TMC6: variants seen among roughly 807,000 people sequenced by gnomAD.
The protein encoded by TMC6 is transmembrane channel like 6.
In TMC6, 71 loss-of-function variants were observed where a neutral mutation model predicts 95.4. The ratio of observed to expected loss-of-function variants is 0.74; its 90% CI spans 0.61 to 0.91. The LOEUF (loss-of-function observed/expected upper bound fraction) is 0.91. Among genes scored for constraint, TMC6 ranks in the 40% least tolerant of loss-of-function variants. The pLI is 0.00. For synonymous variants in TMC6, 514 were observed against 483.1 expected (o/e 1.06, Z -0.84); for missense variants, 1,074 against 1,079.1 (o/e 1.00, Z 0.07).
chr17:78,126,128 G>T, intron 4 of TMC6, 149 bp downstream of exon 4: 2 of 1,225,254 alleles, frequency 1.6e-6, no homozygotes, highest in Middle Eastern at 5.6e-4. Context: ...CAGCAGATGG[G>T]ATGGGCTAGG....
chr17:78,119,420 A>T (rs1207974034), intron 13 of TMC6, 28 bp from the exon 14 acceptor site: 4 of 1,612,554 alleles, frequency 2.5e-6, no homozygotes, highest in Admixed American at 1.7e-5. Context: ...GGATCGTTAG[A>T]TGGGAAAGCC....
chr17:78,126,321 G>T lies in TMC6; in HGVS notation c.227C>A (p.Thr76Lys). 6.4e-7 allele frequency: 1 copy of T among 1,573,870 alleles called. No individual in the cohort carries two copies. ...GCTGGCCAGGATGCGGAGTGTGGCC[G>T]TGCTCTGGGTGCCCTCGGGCCGCCA... ...TLWRPEGTQS[T>K]ATLRILASMP... The change falls in exon 4 of 20, where the codon ACG becomes AAG. Residue 76 changes from threonine (T) to lysine (K), a missense_variant. Thr to Lys is a moderately conservative substitution (Grantham distance 78). Coordinates refer to ENST00000590602, the MANE Select transcript of TMC6 (RefSeq NM_001127198.5).
Position 78,122,965 on chromosome 17 carries a change from G to A in TMC6, c.1083-216C>T. On this transcript the variant is annotated intron_variant, in intron 9 of 19. Transcript: ENST00000590602. The surrounding 1 kb of genome is among the most constrained non-coding windows in gnomAD (Gnocchi z 4.9). ...ACCCACCAGCCACATCTGCCTAGAA[G>A]AGGGGGCAGGGCTGCATTCACCGCG... The A allele has an allele frequency of 3.0e-6, 2 of 667,226 alleles. No homozygotes were observed. Among genetic ancestry groups the A allele is most frequent in the Non-Finnish European group, 2.6e-6 (1 of 384,256 alleles). 41.3% of individuals were successfully genotyped at this position (667,226 alleles called of 1,614,324 possible). A position where few individuals can be genotyped will look rare whatever the true frequency, so the allele number is the denominator to read the frequency against.
upstream of TMC6, chr17:78,131,744 G>C (rs771308597): frequency 3.2e-6 from 5 of 1,577,830 alleles, no homozygotes; most frequent in South Asian, 1.2e-5. Context: ...TCTGGTGGGT[G>C]CCACGCGGGC....
At position 78,121,007 on chromosome 17, in the gene TMC6, AC is replaced by A; in HGVS notation, c.1535+5del. 6.2e-7 allele frequency: 1 copy of A among 1,613,306 alleles called. No homozygotes were observed. Among genetic ancestry groups the A allele is most frequent in the Non-Finnish European group, 8.5e-7 (1 of 1,180,000 alleles). ...CCAAATGATGTTTTCATGTGCGGCC[AC>A]ACACCTGCAGATGGCCACGTACACC... On this transcript the variant is annotated splice_donor_5th_base_variant and intron_variant, in intron 12 of 19. Coordinates refer to ENST00000590602, the MANE Select transcript of TMC6 (RefSeq NM_001127198.5). The surrounding 1 kb of genome is among the most constrained non-coding windows in gnomAD (Gnocchi z 5.6).
rs1275236260 is a variant in TMC6, at chr17:78,124,019, A to C, written c.1052T>G (p.Phe351Cys). Reference protein sequence around the residue: ...LAYLSTVGVSFFITCITLVYS... With the variant: ...LAYLSTVGVSCFITCITLVYS... ...CACCAGGGTGATGCAGGTGATAAAG[A>C]AGCTCACGCCCACAGTGGAGAGGTA... Residue 351 changes from phenylalanine to cysteine, a missense_variant, in exon 9 of 20, where the codon TTC becomes TGC. Phe to Cys is a radical substitution (Grantham distance 205, BLOSUM62 -2). Transcript: ENST00000590602. 3 of 1,613,678 alleles carry C rather than the reference A, an allele frequency of 1.9e-6. No homozygotes were observed. The highest frequency in any genetic ancestry group is 2.2e-5 in the South Asian group (2 of 91,094).
chr17:78,115,159 G>A (rs1421215245), intron 18 of TMC6, among the ~76,000 whole-genome samples: 1 of 152,226 alleles, frequency 6.6e-6, no homozygotes. Context: ...AAGCAATGTG[G>A]GAGCCGTCCC....
Position 78,122,527 on chromosome 17 carries a change from TCA to T in TMC6, c.1227+76_1227+77del. 6.3e-7 allele frequency: 1 copy of T among 1,582,916 alleles called. No individual in the cohort carries two copies. ...CCCTCCCTCTAGACCATGGTTCTGG[TCA>T]CATGGTCCTAAGTGGACCCAGGGCC... On this transcript the variant is annotated intron_variant, in intron 10 of 19. Transcript: ENST00000590602. The surrounding 1 kb of genome is among the most constrained non-coding windows in gnomAD (Gnocchi z 4.9).
At chr17:78,125,326 G>A (rs2074651627) in intron 5 of TMC6, 63 bp from the exon 6 acceptor site, 4 of 1,464,608 alleles carry the variant, frequency 2.7e-6, no homozygotes, top group African/African-American at 1.4e-5. Flanking sequence ...CCCGAAGCCG[G>A]GACCCTGGTC....
chr17:78,126,402 G>A (rs1412399387), intron 3 of TMC6, 36 bp from the exon 4 acceptor site: 19 of 1,602,334 alleles, frequency 1.2e-5, no homozygotes, highest in South Asian at 2.2e-5. Flanking sequence ...GGGTCCTGGA[G>A]ATGCCATTGG....
intron 18 of TMC6, among the ~76,000 whole-genome samples, chr17:78,114,289 G>A (rs547030184): frequency 2.0e-5 from 3 of 152,154 alleles, no homozygotes; most frequent in Admixed American, 6.5e-5. Flanking sequence ...CTGACACTCC[G>A]GCCTCTGTTT....
chr17:78,115,006 A>G (rs760673360), intron 18 of TMC6, among the ~76,000 whole-genome samples: 1 of 152,186 alleles, frequency 6.6e-6, no homozygotes, highest in African/African-American at 2.4e-5. Flanking sequence ...CTGAAATGCC[A>G]CCCAGTAGGG....
rs1412960707 is a variant in TMC6, at chr17:78,124,192, G to A, written c.892-13C>T. ...GGGTGAAGCAACCCTGCCACAGGGA[G>A]ATCCAGCCGAGTCAGGGACTTTCCC... On this transcript the variant is annotated splice_polypyrimidine_tract_variant and intron_variant, in intron 8 of 19. Transcript: ENST00000590602. 7 of 1,610,756 alleles carry A rather than the reference G, an allele frequency of 4.3e-6. No individual in the cohort carries two copies. Among genetic ancestry groups the A allele is most frequent in the Non-Finnish European group, 5.9e-6 (7 of 1,179,626 alleles).
At position 78,120,639 on chromosome 17, in the gene TMC6, C is replaced by T; in HGVS notation, c.1715+14G>A. Reference sequence around the variant, plus strand: ...GAGAACACTCACCACCCAGTCCGCCCAGGACCCCCTCACCTCCACACCAGT... The same window carrying T: ...GAGAACACTCACCACCCAGTCCGCCTAGGACCCCCTCACCTCCACACCAGT... On this transcript the variant is annotated intron_variant, in intron 13 of 19. Coordinates refer to ENST00000590602, the MANE Select transcript of TMC6 (RefSeq NM_001127198.5). The T allele has an allele frequency of 6.2e-7, 1 of 1,614,040 alleles. No individual in the cohort carries two copies. Among genetic ancestry groups the T allele is most frequent in the Non-Finnish European group, 8.5e-7 (1 of 1,180,006 alleles).
chr17:78,121,739 C>T lies in TMC6; in HGVS notation c.1228-28G>A, dbSNP rs778594202. 1 of 1,557,766 alleles carries T rather than the reference C, an allele frequency of 6.4e-7. No homozygotes were observed. Among genetic ancestry groups the T allele is most frequent in the Non-Finnish European group, 8.6e-7 (1 of 1,156,118 alleles). ...GCAGGCGGCACCGTGTCCCCGTCAC[C>T]CACACCAGAGCACGGGCACACGCAG... On this transcript the variant is annotated intron_variant, in intron 10 of 19. Coordinates refer to ENST00000590602, the MANE Select transcript of TMC6 (RefSeq NM_001127198.5). The surrounding 1 kb of genome is among the most constrained non-coding windows in gnomAD (Gnocchi z 5.6).
At chr17:78,129,452 G>A (rs2074902675), upstream of TMC6, among the ~76,000 whole-genome samples, 1 of 152,148 alleles carries the variant, frequency 6.6e-6, no homozygotes, top group Non-Finnish European at 1.5e-5. The surrounding 1 kb of genome is among the most constrained non-coding windows in gnomAD (Gnocchi z 4.3). Flanking sequence ...GCCAAAGCAG[G>A]AGACTTAGTG....
rs1019550758 is a variant in TMC6, at chr17:78,109,494, G to C, written c.*3654C>G. The C allele has an allele frequency of 4.4e-6, 2 of 456,570 alleles. No homozygotes were observed. Among genetic ancestry groups the C allele is most frequent in the Non-Finnish European group, 4.4e-6 (1 of 226,976 alleles). The allele number at this position is 456,570 out of a possible 1,614,324, so 28.3% of individuals were successfully genotyped here. A position where few individuals can be genotyped will look rare whatever the true frequency, so the allele number is the denominator to read the frequency against. ...ACAAGTGTAGTATGCCTGGGCCCCAGGTCATCATGAAAACCAGAAGCAGAC... is the reference window on the plus strand; with the variant it reads ...ACAAGTGTAGTATGCCTGGGCCCCACGTCATCATGAAAACCAGAAGCAGAC... On this transcript the variant is annotated 3_prime_UTR_variant, in exon 20 of 20. Coordinates refer to ENST00000590602, the MANE Select transcript of TMC6 (RefSeq NM_001127198.5).
rs1424710784 is a variant in TMC6, at chr17:78,121,653, C to T, written c.1286G>A (p.Arg429Gln). ...CACAAGCCCCAGCACAGCCGCCTGC[C>T]GCAGCCTCCCGCACACGCTCCTGGG... ...HSPRSVCGRLRQAAVLGLVWL... is the reference protein window; with the variant it reads ...HSPRSVCGRLQQAAVLGLVWL... Residue 429 changes from arginine to glutamine, a missense_variant, in exon 11 of 20, where the codon CGG becomes CAG. Physicochemically the swap from Arg to Gln is conservative, Grantham distance 43. Coordinates refer to ENST00000590602, the MANE Select transcript of TMC6 (RefSeq NM_001127198.5). The surrounding 1 kb of genome is among the most constrained non-coding windows in gnomAD (Gnocchi z 5.6). 3 of 1,604,832 alleles carry T rather than the reference C, an allele frequency of 1.9e-6. No homozygotes were observed. The highest frequency in any genetic ancestry group is 1.3e-5 in the African/African-American group (1 of 74,950).
rs2074219469 is a variant in TMC6, at chr17:78,118,000, G to A, written c.1888-65C>T. On this transcript the variant is annotated intron_variant, in intron 15 of 19. Coordinates refer to ENST00000590602, the MANE Select transcript of TMC6 (RefSeq NM_001127198.5). ...CCTCAGCACCCCTCCAAGCCCTGGG[G>A]GAGCTCAAGAGGGAAGGGCGACCAG... The A allele has an allele frequency of 7.7e-6, 12 of 1,557,830 alleles. No individual in the cohort carries two copies. The South Asian group carries it at 1.1e-4, about 14-fold the overall frequency.
Sources: gnomAD v4.1 joint callset for allele counts (sites outside exome capture counted in the v4.1 genomes callset) on GRCh38, gnomAD v4.1.1 for gene constraint, Gnocchi (gnomAD v3.1) non-coding constraint, MANE v1.5 for transcripts, NCBI Gene and HGNC (gene_info 2026-07-23, HGNC 2026-07-21) for gene names.